The following GTF2A1L variants were observed in gnomAD, a reference collection of about 807,000 sequenced individuals.
The protein encoded by GTF2A1L is TFIIA-alpha and beta-like factor.
A neutral mutation model predicts 49.7 loss-of-function variants in GTF2A1L; 48 were observed. The observed-to-expected ratio is 0.97, with a 90% CI of 0.77 to 1.23. The LOEUF (loss-of-function observed/expected upper bound fraction) is 1.23, where lower values mean the gene tolerates loss of function less well. Ranked by LOEUF, GTF2A1L falls within the 50% of genes most tolerant of loss-of-function variation. GTF2A1L has a pLI of 0.00. For synonymous variants in GTF2A1L, 246 were observed against 193.5 expected (o/e 1.27, Z -2.25); for missense variants, 736 against 564.8 (o/e 1.30, Z -3.07).
intron 3 of GTF2A1L, chr2:48,633,075 G>C: frequency 3.8e-6 from 1 of 261,374 alleles, no homozygotes; most frequent in Non-Finnish European, 7.8e-6. Flanking sequence ...TTGATTTTAT[G>C]TAATCTTTGA....
intron 6 of GTF2A1L, among the ~76,000 whole-genome samples, chr2:48,655,225 C>G (rs576147447): frequency 3.2e-4 from 47 of 147,074 alleles, no homozygotes; most frequent in African/African-American, 1.2e-3. Context: ...ATATTTTTAT[C>G]TAAATATTTC....
Position 48,624,459 on chromosome 2 carries a change from T to TATAGATAGATAGATAGATAGATAGATAG in GTF2A1L, c.247+3170_247+3197dup, listed in dbSNP as rs3077611. ...TAAGGTGTTCACCATAGTGCTTTGA[T>TATAGATAGATAGATAGATAGATAGATAG]ATAGATAGATAGATAGATAGATAGA... On this transcript the variant is annotated intron_variant, in intron 3 of 8. Coordinates refer to ENST00000403751, the MANE Select transcript of GTF2A1L (RefSeq NM_006872.5). Among the ~76,000 whole-genome samples, 4 of 138,656 alleles carry TATAGATAGATAGATAGATAGATAGATAG rather than the reference T, an allele frequency of 2.9e-5. 1 individual carries two copies. The highest frequency in any genetic ancestry group is 1.0e-4 in the African/African-American group (4 of 39,582). The allele number at this position is 138,656 out of a possible 152,430, so 91.0% of individuals were successfully genotyped here.
intron 8 of GTF2A1L, among the ~76,000 whole-genome samples, chr2:48,675,669 C>T (rs866209359): frequency 6.6e-6 from 1 of 151,846 alleles, no homozygotes; most frequent in Non-Finnish European, 1.5e-5. Flanking sequence ...GTGTTCTGTG[C>T]TACAAATAGG....
intron 6 of GTF2A1L, among the ~76,000 whole-genome samples, chr2:48,657,477 A>G (rs1475589190): frequency 6.6e-6 from 1 of 152,078 alleles, no homozygotes; most frequent in Non-Finnish European, 1.5e-5. Flanking sequence ...TTTATATGTA[A>G]CACATTTTCT....
intron 7 of GTF2A1L, among the ~76,000 whole-genome samples, chr2:48,670,380 A>T (rs960001764): frequency 6.1e-5 from 6 of 98,580 alleles, no homozygotes; most frequent in Admixed American, 5.3e-4. Flanking sequence ...AAGACTCTTT[A>T]AAAAAAAAAA....
chr2:48,627,331 T>C lies in GTF2A1L; in HGVS notation c.247+6041T>C, dbSNP rs1050539432. ...ACAAGGAACTTTTTGGAATATTTCATTAGGGTTTATTGGTATACCTTGCAC... is the reference window on the plus strand; with the variant it reads ...ACAAGGAACTTTTTGGAATATTTCACTAGGGTTTATTGGTATACCTTGCAC... On this transcript the variant is annotated intron_variant, in intron 3 of 8. Coordinates refer to ENST00000403751, the MANE Select transcript of GTF2A1L (RefSeq NM_006872.5). Among the ~76,000 whole-genome samples, 6 of 144,426 alleles carry C rather than the reference T, an allele frequency of 4.2e-5. 1 individual carries two copies. In the South Asian group the frequency reaches 1.4e-3, roughly 34 times the overall value. 94.7% of individuals were successfully genotyped at this position (144,426 alleles called of 152,430 possible). A position where few individuals can be genotyped will look rare whatever the true frequency, so the allele number is the denominator to read the frequency against.
chr2:48,637,352 A>G (rs1676951918), intron 3 of GTF2A1L, among the ~76,000 whole-genome samples: 1 of 152,212 alleles, frequency 6.6e-6, no homozygotes, highest in Non-Finnish European at 1.5e-5. Flanking sequence ...GTGTATTATA[A>G]CATTCTTAAA....
intron 6 of GTF2A1L, among the ~76,000 whole-genome samples, chr2:48,656,370 T>G (rs1014194986): frequency 1.4e-4 from 20 of 146,462 alleles, no homozygotes; most frequent in Admixed American, 4.0e-4. Flanking sequence ...TTTTTTTTTT[T>G]TTTTTTTAAT....
At chr2:48,650,751 C>G (rs745660803) in intron 6 of GTF2A1L, among the ~76,000 whole-genome samples, 7 of 151,934 alleles carry the variant, frequency 4.6e-5, no homozygotes, top group Non-Finnish European at 8.8e-5. Context: ...ATATTTCATT[C>G]CAAATAAGAG....
At chr2:48,625,129 A>G (rs1306298598) in intron 3 of GTF2A1L, among the ~76,000 whole-genome samples, 1 of 143,854 alleles carries the variant, frequency 7.0e-6, no homozygotes, top group African/African-American at 2.5e-5. Flanking sequence ...TTATTTAGGA[A>G]TCTCTGCACA....
chr2:48,675,544 T>C (rs1679423257), intron 8 of GTF2A1L, among the ~76,000 whole-genome samples: 1 of 152,040 alleles, frequency 6.6e-6, no homozygotes, highest in African/African-American at 2.4e-5. Context: ...TTAAATGGTA[T>C]AGATATTTTG....
chr2:48,654,215 TA>T (rs1219734211), intron 6 of GTF2A1L, among the ~76,000 whole-genome samples: 4 of 152,210 alleles, frequency 2.6e-5, no homozygotes, highest in Non-Finnish European at 4.4e-5. Flanking sequence ...TTATTATTTT[TA>T]TCTTCCAGTT....
At chr2:48,660,781 C>T (rs1240272628) in intron 6 of GTF2A1L, among the ~76,000 whole-genome samples, 1 of 151,992 alleles carries the variant, frequency 6.6e-6, no homozygotes. Flanking sequence ...GCTGGGATTG[C>T]AGGTGTGCTC....
chr2:48,638,085 T>C (rs1014751583), intron 3 of GTF2A1L, among the ~76,000 whole-genome samples: 13 of 152,106 alleles, frequency 8.5e-5, no homozygotes, highest in African/African-American at 3.1e-4. Context: ...GAATCAGTAA[T>C]AAATAGCCTA....
chr2:48,649,586 T>A (rs1419287722), intron 6 of GTF2A1L, among the ~76,000 whole-genome samples: 1 of 152,176 alleles, frequency 6.6e-6, no homozygotes, highest in African/African-American at 2.4e-5. Flanking sequence ...ACCATGTAAT[T>A]GTGGTAGGAT....
intron 2 of GTF2A1L, 26 bp downstream of exon 2, chr2:48,620,978 T>C (rs374824961): frequency 3.7e-5 from 58 of 1,587,774 alleles, no homozygotes; most frequent in Middle Eastern, 1.7e-4. Flanking sequence ...AACTTTTTCT[T>C]CCTGTCTTTT....
intron 6 of GTF2A1L, among the ~76,000 whole-genome samples, chr2:48,663,756 C>T (rs889267813): frequency 6.6e-6 from 1 of 152,088 alleles, no homozygotes; most frequent in Non-Finnish European, 1.5e-5. Flanking sequence ...TCTCCTGCCT[C>T]AGCCTCCTGA....
intron 8 of GTF2A1L, among the ~76,000 whole-genome samples, chr2:48,674,651 A>AT (rs1350540965): frequency 6.6e-6 from 1 of 152,184 alleles, no homozygotes. Context: ...AAGGTACTTA[A>AT]TTATATATAC....
intron 3 of GTF2A1L, among the ~76,000 whole-genome samples, chr2:48,624,090 GT>G (rs1022501184): frequency 9.6e-5 from 10 of 104,602 alleles, no homozygotes; most frequent in African/African-American, 2.6e-4. Context: ...TATGTTCTTC[GT>G]TTTTTATTTG....
Sources: allele counts gnomAD v4.1 joint callset (sites outside exome capture counted in the v4.1 genomes callset), GRCh38; gene constraint gnomAD v4.1.1; transcripts MANE v1.5; gene names NCBI Gene and HGNC (gene_info 2026-07-23, HGNC 2026-07-21).